The following HP1BP3 variants were observed in gnomAD, a reference collection of about 807,000 sequenced individuals.
HP1BP3 encodes the protein heterochromatin protein 1 binding protein 3.
A neutral mutation model predicts 62.5 loss-of-function variants in HP1BP3; 12 were observed. The observed-to-expected ratio is 0.19, with a 90% CI of 0.12 to 0.31. The LOEUF (loss-of-function observed/expected upper bound fraction) is 0.31. Among genes scored for constraint, HP1BP3 ranks in the 10% least tolerant of loss-of-function variants. HP1BP3 has a pLI of 1.00. For missense variants in HP1BP3, 502 were observed against 651.8 expected (o/e 0.77, Z 2.50); for synonymous variants, 260 against 237.8 (o/e 1.09, Z -0.86).
intron 4 of HP1BP3, chr1:20,774,261 T>G (rs1052607213): frequency 6.6e-6 from 1 of 152,064 alleles, no homozygotes; most frequent in Non-Finnish European, 1.5e-5. Context: ...CCCAGCAATT[T>G]AGGAGGCTGA....
chr1:20,756,670 A>G (rs2056129197), intron 9 of HP1BP3, among the ~76,000 whole-genome samples: 1 of 152,224 alleles, frequency 6.6e-6, no homozygotes, highest in Admixed American at 6.5e-5. Flanking sequence ...AGTATTTTAA[A>G]GTAAATCAAT....
At chr1:20,775,071 T>C (rs900355295) in intron 4 of HP1BP3, 5 of 152,018 alleles carry the variant, frequency 3.3e-5, no homozygotes, top group African/African-American at 9.7e-5. Flanking sequence ...GTGTTTACTA[T>C]ACTATACTTT....
At chr1:20,757,369 A>T (rs1385265707) in intron 8 of HP1BP3, 113 bp from the exon 9 acceptor site, 4 of 400,652 alleles carry the variant, frequency 1.0e-5, no homozygotes, top group Non-Finnish European at 1.5e-5. Flanking sequence ...TATTATTATT[A>T]TTATTTTTTT....
intron 10 of HP1BP3, 143 bp from the exon 11 acceptor site, chr1:20,747,798 G>A (rs981657100): frequency 5.0e-6 from 3 of 596,636 alleles, no homozygotes; most frequent in Non-Finnish European, 8.9e-6. Flanking sequence ...GTGTTCAAAG[G>A]TATTTAATTA....
chr1:20,767,065 T>C (rs1051597736), intron 7 of HP1BP3, among the ~76,000 whole-genome samples: 1 of 152,076 alleles, frequency 6.6e-6, no homozygotes, highest in African/African-American at 2.4e-5. Flanking sequence ...ACCCTGTAAA[T>C]CCCAGCACTT....
At chr1:20,759,644 G>C (rs1156994056) in intron 8 of HP1BP3, among the ~76,000 whole-genome samples, 3 of 152,120 alleles carry the variant, frequency 2.0e-5, no homozygotes, top group Non-Finnish European at 4.4e-5. Context: ...CATTTCTCTT[G>C]TTTATATGCC....
intron 1 of HP1BP3, among the ~76,000 whole-genome samples, chr1:20,783,769 C>CAAAAAAAAAAAAAA (rs1164930528): frequency 1.9e-5 from 1 of 53,134 alleles, no homozygotes; most frequent in Non-Finnish European, 3.2e-5. Context: ...GACTCTGTCT[C>CAAAAAAAAAAAAAA]AAAAAAAAAA....
rs1179522683 is a variant in HP1BP3 at position 20,757,323 on chromosome 1, A to G, written c.891-67T>C. The G allele has an allele frequency of 3.4e-6, 3 of 885,600 alleles. No homozygotes were observed. The African/African-American group carries it at 5.2e-5, about 15-fold the overall frequency. The allele number at this position is 885,600 out of a possible 1,614,324, so 54.9% of individuals were successfully genotyped here. A position where few individuals can be genotyped will look rare whatever the true frequency, so the allele number is the denominator to read the frequency against. ...ATGAAAGAAAAATGTAAAGAAATAG[A>G]TACAGGGTTATTCCCAGATCTAGAG... is the stretch of plus-strand genomic sequence containing the variant. On this transcript the variant is annotated intron_variant, in intron 8 of 12. Coordinates refer to ENST00000438032, the MANE Select transcript of HP1BP3 (RefSeq NM_001372052.1).
At chr1:20,761,313 T>C (rs1410935277) in intron 8 of HP1BP3, among the ~76,000 whole-genome samples, 1 of 152,178 alleles carries the variant, frequency 6.6e-6, no homozygotes, top group Non-Finnish European at 1.5e-5. Flanking sequence ...AGTGCTGGGA[T>C]TACAGGCATG....
At position 20,779,953 on chromosome 1, in the gene HP1BP3, T is replaced by G. The variant is rs761733195; in HGVS notation, c.97-42A>C. The G allele has an allele frequency of 7.4e-6, 11 of 1,482,894 alleles. No individual in the cohort carries two copies. In the Admixed American group the frequency reaches 2.0e-4, roughly 27 times the overall value. The allele number at this position is 1,482,894 out of a possible 1,614,324, so 91.9% of individuals were successfully genotyped here. On this transcript the variant is annotated intron_variant, in intron 2 of 12. Coordinates refer to ENST00000438032, the MANE Select transcript of HP1BP3 (RefSeq NM_001372052.1). ...CCATAATCAAACATGCATTAAAAAATTCTCTTTTCTCTCTTTCTCAAAGGG... is the reference window on the plus strand; with the variant it reads ...CCATAATCAAACATGCATTAAAAAAGTCTCTTTTCTCTCTTTCTCAAAGGG...
At chr1:20,777,695 T>C (rs1182590623) in intron 3 of HP1BP3, among the ~76,000 whole-genome samples, 1 of 152,194 alleles carries the variant, frequency 6.6e-6, no homozygotes, top group Admixed American at 6.5e-5. Context: ...CCTGACCTCG[T>C]GATCCACCCG....
In HP1BP3 at chr1:20,771,029, T is replaced by C. The variant is rs184550112; in HGVS notation, c.555A>G (p.Lys185=). ...KSGASVVAIR[K]YIIHKYPSLE... is the part of the protein sequence containing the mutation. ...GAGAAGGATACTTATGGATGATGTA[T>C]TTTCGAATAGCAACCACTGATGCAC... Residue 185 remains lysine, a synonymous_variant, in exon 6 of 13, where the codon AAA becomes AAG. Transcript: ENST00000438032. 6.2e-7 allele frequency: 1 copy of C among 1,611,094 alleles called. No individual in the cohort carries two copies. Among genetic ancestry groups the C allele is most frequent in the African/African-American group, 1.3e-5 (1 of 74,930 alleles).
chr1:20,761,349 G>C (rs979561740), intron 8 of HP1BP3, among the ~76,000 whole-genome samples: 3 of 152,132 alleles, frequency 2.0e-5, no homozygotes, highest in Non-Finnish European at 4.4e-5. Context: ...CCTGTTTACT[G>C]ATATATTTTA....
intron 7 of HP1BP3, among the ~76,000 whole-genome samples, 153 bp from the exon 8 acceptor site, chr1:20,765,684 A>G (rs1013120601): frequency 1.3e-5 from 2 of 152,216 alleles, no homozygotes; most frequent in Admixed American, 1.3e-4. Flanking sequence ...AAAAATACAT[A>G]TAAAAGCTGG....
chr1:20,749,405 T>C (rs1303498005), intron 10 of HP1BP3, among the ~76,000 whole-genome samples: 2 of 151,414 alleles, frequency 1.3e-5, no homozygotes, highest in Non-Finnish European at 2.9e-5. Context: ...ATTGTCCGGA[T>C]TGGAGTACAA....
At position 20,742,829 on chromosome 1, in the gene HP1BP3, A is replaced by G. The variant is rs565732772; in HGVS notation, c.*1968T>C. ...ACATGATTATGATCTAATTCAAGCC[A>G]ATCTTCTCAAGTCCATTTCCCAGCC... On this transcript the variant is annotated 3_prime_UTR_variant, in exon 13 of 13. Coordinates refer to ENST00000438032, the MANE Select transcript of HP1BP3 (RefSeq NM_001372052.1). 6.6e-6 allele frequency: 1 copy of G among 152,654 alleles called. No individual in the cohort carries two copies. The highest frequency in any genetic ancestry group is 1.5e-5 in the Non-Finnish European group (1 of 68,040). The allele number at this position is 152,654 out of a possible 1,614,324, so 9.5% of individuals were successfully genotyped here.
chr1:20,745,754 C>T, intron 11 of HP1BP3, 98 bp from the exon 12 acceptor site: 2 of 1,202,062 alleles, frequency 1.7e-6, no homozygotes, highest in Non-Finnish European at 2.3e-6. Flanking sequence ...CCCACTTCTT[C>T]CCACCCTTCC....
intron 9 of HP1BP3, among the ~76,000 whole-genome samples, chr1:20,753,215 T>C (rs1252589452): frequency 6.6e-6 from 1 of 152,212 alleles, no homozygotes; most frequent in Non-Finnish European, 1.5e-5. Context: ...GTGCTGGGAT[T>C]ACAGGCATGA....
At chr1:20,779,711 G>A (rs1243180028) in intron 3 of HP1BP3, 101 bp downstream of exon 3, 23 of 492,572 alleles carry the variant, frequency 4.7e-5, no homozygotes, top group African/African-American at 1.3e-4. Context: ...ACTTAGCCAT[G>A]AAAAAAAAAA....
Sources: gnomAD v4.1 joint callset for allele counts (sites outside exome capture counted in the v4.1 genomes callset) on GRCh38, gnomAD v4.1.1 for gene constraint, MANE v1.5 for transcripts, NCBI Gene and HGNC (gene_info 2026-07-23, HGNC 2026-07-21) for gene names.